Variants in FGGY observed in about 807,000 individuals in gnomAD.
FGGY encodes the protein FGGY carbohydrate kinase domain-containing protein.
In FGGY, 72 loss-of-function variants were observed where a neutral mutation model predicts 71.3. The ratio of observed to expected loss-of-function variants is 1.01; its 90% CI spans 0.84 to 1.23. FGGY has a LOEUF of 1.23. Among genes scored for constraint, FGGY ranks in the 50% most tolerant of loss-of-function variants. The pLI is 0.00. For synonymous variants in FGGY, 251 were observed against 250.3 expected, an observed-to-expected ratio of 1.00 and a Z score of -0.02; for missense variants, 668 against 682.3, an observed-to-expected ratio of 0.98 and a Z score of 0.23.
intron 14 of FGGY, among the ~76,000 whole-genome samples, chr1:59,752,176 G>A (rs1046761263): frequency 1.3e-5 from 2 of 152,214 alleles, no homozygotes; most frequent in East Asian, 3.8e-4. Flanking sequence ...GGCACTTCCA[G>A]TATTTTCTTC....
intron 4 of FGGY, 91 bp downstream of exon 4, chr1:59,346,489 C>G: frequency 6.9e-7 from 1 of 1,440,402 alleles, no homozygotes; most frequent in Admixed American, 2.2e-5. Flanking sequence ...CTGCTAAAAT[C>G]GGTTATGTTT....
At chr1:59,700,702 G>A (rs2154018102) in intron 14 of FGGY, among the ~76,000 whole-genome samples, 1 of 152,296 alleles carries the variant, frequency 6.6e-6, no homozygotes, top group African/African-American at 2.4e-5. Context: ...CAGTTGGGAA[G>A]ATCCTAAGAA....
chr1:59,414,747 GTACT>G (rs1291730261), intron 5 of FGGY, among the ~76,000 whole-genome samples: 4 of 152,180 alleles, frequency 2.6e-5, no homozygotes, highest in African/African-American at 9.7e-5. Context: ...TTTTGTGGAG[GTACT>G]TACCTTTGTG....
chr1:59,474,910 C>T (rs1025208190), intron 6 of FGGY, among the ~76,000 whole-genome samples: 2 of 151,768 alleles, frequency 1.3e-5, no homozygotes, highest in African/African-American at 4.9e-5. Flanking sequence ...TTCTCAGCCT[C>T]AATTAGTATA....
At chr1:59,407,416 T>C (rs765583658) in intron 5 of FGGY, among the ~76,000 whole-genome samples, 4 of 152,144 alleles carry the variant, frequency 2.6e-5, no homozygotes, top group Non-Finnish European at 5.9e-5. Flanking sequence ...ACACTGAGTG[T>C]GTGATGTTGC....
intron 5 of FGGY, among the ~76,000 whole-genome samples, chr1:59,426,691 C>T (rs973303490): frequency 6.6e-6 from 1 of 152,034 alleles, no homozygotes; most frequent in African/African-American, 2.4e-5. Flanking sequence ...TTTACTTTTG[C>T]TTTTGTTTAC....
chr1:59,548,799 A>C (rs947097568), intron 7 of FGGY, among the ~76,000 whole-genome samples: 1 of 152,192 alleles, frequency 6.6e-6, no homozygotes, highest in Non-Finnish European at 1.5e-5. Context: ...AATATAGAAC[A>C]TTTCCATCAT....
intron 14 of FGGY, among the ~76,000 whole-genome samples, chr1:59,676,476 G>T (rs1365305139): frequency 6.6e-6 from 1 of 151,248 alleles, no homozygotes; most frequent in African/African-American, 2.4e-5. Flanking sequence ...AGCCTTTCAA[G>T]ATGAGGCTGC....
chr1:59,356,800 T>G (rs1457373874), intron 4 of FGGY, among the ~76,000 whole-genome samples: 1 of 152,206 alleles, frequency 6.6e-6, no homozygotes, highest in Non-Finnish European at 1.5e-5. Flanking sequence ...GAGCCACCCC[T>G]TGGCTGCAGT....
intron 1 of FGGY, among the ~76,000 whole-genome samples, chr1:59,306,827 T>G (rs2043505170): frequency 6.6e-6 from 1 of 152,194 alleles, no homozygotes; most frequent in Non-Finnish European, 1.5e-5. Context: ...TAAAAATTGT[T>G]CAGGCTAAAT....
chr1:59,543,128 A>G (rs2095470242), intron 7 of FGGY, among the ~76,000 whole-genome samples: 1 of 152,178 alleles, frequency 6.6e-6, no homozygotes, highest in African/African-American at 2.4e-5. Flanking sequence ...CTTCTACACT[A>G]TTTATCTAAG....
chr1:59,565,679 G>A (rs553192181), intron 8 of FGGY, among the ~76,000 whole-genome samples: 1 of 152,184 alleles, frequency 6.6e-6, no homozygotes, highest in Non-Finnish European at 1.5e-5. Context: ...GCTGTGGGAT[G>A]GGTTGACCAT....
intron 4 of FGGY, among the ~76,000 whole-genome samples, chr1:59,346,947 C>CTTTTTTTTTTTTTTTTTTTTTTTT (rs71580898): frequency 8.9e-6 from 1 of 112,194 alleles, no homozygotes; most frequent in Non-Finnish European, 1.9e-5. Flanking sequence ...AAAATCAATT[C>CTTTTTTTTTTTTTTTTTTTTTTTT]TTTTTTTTTT....
chr1:59,630,514 C>A (rs951618377), intron 10 of FGGY, among the ~76,000 whole-genome samples: 5 of 152,146 alleles, frequency 3.3e-5, no homozygotes, highest in African/African-American at 1.2e-4. Flanking sequence ...CCATAAATTA[C>A]AATAATGATA....
chr1:59,629,528 T>A (rs2096889117), intron 10 of FGGY, among the ~76,000 whole-genome samples: 2 of 152,338 alleles, frequency 1.3e-5, no homozygotes, highest in African/African-American at 2.4e-5. Context: ...CCAACTAGCA[T>A]ATTAGTGGCA....
Position 59,311,153 on chromosome 1 carries a change from A to G in FGGY, c.-14-10383A>G, listed in dbSNP as rs552014325. 9.2e-5 allele frequency among the ~76,000 whole-genome samples: 14 copies of G among 152,346 alleles called. No homozygotes were observed. In the South Asian group the frequency reaches 2.9e-3, roughly 32 times the overall value. ...TTGAAACTTCATTCTCTGTGTGCCC[A>G]GGACACAGGCAGCTTGGTTAGTGTG... is the stretch of plus-strand genomic sequence containing the variant. On this transcript the variant is annotated intron_variant, in intron 1 of 15. Transcript: ENST00000303721.
intron 8 of FGGY, among the ~76,000 whole-genome samples, chr1:59,591,500 G>A (rs1227439752): frequency 6.7e-6 from 1 of 148,608 alleles, no homozygotes; most frequent in Non-Finnish European, 1.5e-5. Flanking sequence ...TAAGCCAAAA[G>A]AACAAACTGG....
intron 6 of FGGY, among the ~76,000 whole-genome samples, chr1:59,481,655 C>T (rs1200649151): frequency 7.9e-5 from 12 of 152,156 alleles, no homozygotes; most frequent in Non-Finnish European, 1.6e-4. Context: ...GTACCGATTC[C>T]TGCAGGTTCT....
At chr1:59,564,629 T>C in intron 8 of FGGY, among the ~76,000 whole-genome samples, 1 of 152,348 alleles carries the variant, frequency 6.6e-6, no homozygotes, top group African/African-American at 2.4e-5. Flanking sequence ...CTTACTAGAA[T>C]GGCTGAAGTT....
Sources: allele counts gnomAD v4.1 joint callset (sites outside exome capture counted in the v4.1 genomes callset), GRCh38; gene constraint gnomAD v4.1.1; transcripts MANE v1.5; gene names NCBI Gene and HGNC (gene_info 2026-07-23, HGNC 2026-07-21).